Variants in NRBF2 observed in about 807,000 individuals in gnomAD.
The protein encoded by NRBF2 is nuclear receptor-binding factor 2.
Under a neutral mutation model 28.5 loss-of-function variants are expected in NRBF2, and 12 were observed. That is an observed-to-expected ratio of 0.42 (90% CI 0.27 to 0.68). The LOEUF (loss-of-function observed/expected upper bound fraction) is 0.68, where lower values mean the gene tolerates loss of function less well. Among genes scored for constraint, NRBF2 ranks in the 30% least tolerant of loss-of-function variants. The pLI, the probability that NRBF2 is intolerant of heterozygous loss-of-function variation, is 0.24. For missense variants in NRBF2, 274 were observed against 333.5 expected, an observed-to-expected ratio of 0.82 and a Z score of 1.39; for synonymous variants, 102 against 116.5, an observed-to-expected ratio of 0.88 and a Z score of 0.80.
chr10:63,145,158 A>G (rs1841539550), intron 1 of NRBF2, among the ~76,000 whole-genome samples: 1 of 123,538 alleles, frequency 8.1e-6, no homozygotes, highest in South Asian at 2.5e-4. Context: ...CCCAGGCTGG[A>G]GAGCAATGGC....
chr10:63,148,570 CAGAG>C (rs1055381769), intron 2 of NRBF2, among the ~76,000 whole-genome samples: 1 of 152,212 alleles, frequency 6.6e-6, no homozygotes, highest in Non-Finnish European at 1.5e-5. Context: ...TAAGGGCAAA[CAGAG>C]GGGACCTGGG....
chr10:63,138,456 CCTGAGCGA>C (rs1841408479), intron 1 of NRBF2, among the ~76,000 whole-genome samples: 1 of 151,644 alleles, frequency 6.6e-6, no homozygotes, highest in Admixed American at 6.6e-5. Flanking sequence ...TGCACTGCAG[CCTGAGCGA>C]CTGAGCGAGA....
At chr10:63,142,585 A>G (rs1407652276) in intron 1 of NRBF2, among the ~76,000 whole-genome samples, 1 of 152,066 alleles carries the variant, frequency 6.6e-6, no homozygotes, top group Non-Finnish European at 1.5e-5. Context: ...CATTAGAGAA[A>G]TTAGGTTAAT....
At chr10:63,135,541 A>C (rs1228530070) in intron 1 of NRBF2, among the ~76,000 whole-genome samples, 1 of 152,194 alleles carries the variant, frequency 6.6e-6, no homozygotes. Flanking sequence ...CTCCTCCATA[A>C]AACGGAGCGA....
At chr10:63,152,215 G>A (rs771275992) in intron 3 of NRBF2, 25 bp downstream of exon 3, 21 of 1,603,438 alleles carry the variant, frequency 1.3e-5, no homozygotes, top group Middle Eastern at 1.6e-4. Context: ...CAATATTTGC[G>A]ACAAGGGTTA....
intron 2 of NRBF2, among the ~76,000 whole-genome samples, chr10:63,148,515 A>G (rs981564204): frequency 6.6e-6 from 1 of 152,234 alleles, no homozygotes; most frequent in Non-Finnish European, 1.5e-5. Context: ...AAAGATCAAC[A>G]TCTGAGAAAG....
intron 2 of NRBF2, chr10:63,150,241 C>A: frequency 3.2e-6 from 1 of 315,238 alleles, no homozygotes; most frequent in Non-Finnish European, 4.6e-6. Flanking sequence ...TGTGAGCCAC[C>A]ACACCCGGCC....
intron 2 of NRBF2, among the ~76,000 whole-genome samples, chr10:63,149,867 G>A (rs532907774): frequency 9.2e-5 from 14 of 152,090 alleles, no homozygotes; most frequent in African/African-American, 2.7e-4. Flanking sequence ...ATGCAGGCAA[G>A]ATGGAAGAGA....
chr10:63,144,092 G>A (rs1293942261), intron 1 of NRBF2, among the ~76,000 whole-genome samples: 4 of 152,056 alleles, frequency 2.6e-5, no homozygotes, highest in Non-Finnish European at 4.4e-5. Context: ...TAAAAAACAC[G>A]TGAAGTTTAC....
chr10:63,147,863 G>A (rs1841589372), intron 2 of NRBF2, among the ~76,000 whole-genome samples: 1 of 151,238 alleles, frequency 6.6e-6, no homozygotes, highest in African/African-American at 2.4e-5. Context: ...ATAAATCTTT[G>A]GGTGTTTTTA....
chr10:63,138,226 T>C (rs1469061750), intron 1 of NRBF2, among the ~76,000 whole-genome samples: 5 of 151,844 alleles, frequency 3.3e-5, no homozygotes, highest in Non-Finnish European at 4.4e-5. Context: ...GGCAGGAGAA[T>C]CGCTTGAATC....
intron 1 of NRBF2, among the ~76,000 whole-genome samples, chr10:63,133,847 C>T (rs766868791): frequency 2.0e-5 from 3 of 152,188 alleles, no homozygotes; most frequent in Non-Finnish European, 2.9e-5. Context: ...GGCACTGAAG[C>T]CGGCCAAGGC....
intron 1 of NRBF2, among the ~76,000 whole-genome samples, chr10:63,138,553 G>C (rs1274142410): frequency 6.6e-6 from 1 of 150,764 alleles, no homozygotes; most frequent in Non-Finnish European, 1.5e-5. Flanking sequence ...GACCATTCTA[G>C]CTAACACGGT....
intron 2 of NRBF2, among the ~76,000 whole-genome samples, chr10:63,147,027 A>T (rs917062967): frequency 2.6e-5 from 4 of 152,212 alleles, no homozygotes; most frequent in Non-Finnish European, 5.9e-5. Flanking sequence ...GTATAAAAAT[A>T]AAAATAAAAA....
chr10:63,141,920 GAGA>G (rs1841475510), intron 1 of NRBF2, among the ~76,000 whole-genome samples: 1 of 152,200 alleles, frequency 6.6e-6, no homozygotes, highest in Non-Finnish European at 1.5e-5. Flanking sequence ...AAACTATAAT[GAGA>G]TTTAACTCCT....
At chr10:63,142,673 A>G (rs768045333) in intron 1 of NRBF2, among the ~76,000 whole-genome samples, 5 of 152,034 alleles carry the variant, frequency 3.3e-5, no homozygotes, top group Admixed American at 1.3e-4. Context: ...TGTGGGTACT[A>G]GAAAATGCTC....
At chr10:63,152,578 T>C (rs1235849717) in intron 3 of NRBF2, among the ~76,000 whole-genome samples, 2 of 152,246 alleles carry the variant, frequency 1.3e-5, no homozygotes, top group African/African-American at 4.8e-5. Flanking sequence ...AATTTAAATC[T>C]GACCAGTCTC....
intron 1 of NRBF2, among the ~76,000 whole-genome samples, chr10:63,145,517 C>A (rs1841546736): frequency 6.6e-6 from 1 of 152,150 alleles, no homozygotes; most frequent in Non-Finnish European, 1.5e-5. Context: ...ACTTAAAGCT[C>A]TTTTGAAATT....
At chr10:63,137,183 CA>C (rs1841390465) in intron 1 of NRBF2, among the ~76,000 whole-genome samples, 1 of 152,194 alleles carries the variant, frequency 6.6e-6, no homozygotes, top group Non-Finnish European at 1.5e-5. Flanking sequence ...CTGTGTTGCC[CA>C]AGCTGGTCTT....
Sources: allele counts gnomAD v4.1 joint callset (sites outside exome capture counted in the v4.1 genomes callset), GRCh38; gene constraint gnomAD v4.1.1; transcripts MANE v1.5; gene names NCBI Gene and HGNC (gene_info 2026-07-23, HGNC 2026-07-21).